The following IGF1R variants were observed in gnomAD, a reference collection of about 807,000 sequenced individuals.
IGF1R encodes the protein insulin-like growth factor 1 receptor.
Under a neutral mutation model 144.6 loss-of-function variants are expected in IGF1R, and 44 were observed. The ratio of observed to expected loss-of-function variants is 0.30; its 90% CI spans 0.24 to 0.39. IGF1R has a LOEUF of 0.39. Among genes scored for constraint, IGF1R ranks in the 10% least tolerant of loss-of-function variants. IGF1R has a pLI of 1.00. For missense variants in IGF1R, 1,355 were observed against 1,833.7 expected (o/e 0.74, Z 4.77); for synonymous variants, 795 against 722.8 (o/e 1.10, Z -1.60).
chr15:98,921,710 G>A (rs973906892), intron 10 of IGF1R, among the ~76,000 whole-genome samples: 14 of 152,144 alleles, frequency 9.2e-5, no homozygotes, highest in Non-Finnish European at 1.8e-4. Flanking sequence ...CTCTGCCCCA[G>A]GTCTCTGGGG....
rs1596198425 is a variant in IGF1R at position 98,696,387 on chromosome 15, C to T, written c.95-11175C>T. Among the ~76,000 whole-genome samples, 6 of 152,208 alleles carry T rather than the reference C, an allele frequency of 3.9e-5. No homozygotes were observed. The South Asian group carries it at 8.3e-4, about 21-fold the overall frequency. On this transcript the variant is annotated intron_variant, in intron 1 of 20. Transcript: ENST00000650285. Reference sequence around the variant, plus strand: ...GACCTTCCTTGGTCTGTTCATTAATCAGCACTTTGTAGGGTAAATTGAACA... The same window carrying T: ...GACCTTCCTTGGTCTGTTCATTAATTAGCACTTTGTAGGGTAAATTGAACA...
intron 2 of IGF1R, among the ~76,000 whole-genome samples, chr15:98,715,959 A>C (rs1404013111): frequency 1.3e-5 from 2 of 152,240 alleles, no homozygotes; most frequent in African/African-American, 4.8e-5. Flanking sequence ...GATGATCTGC[A>C]GAACTTCTGG....
At chr15:98,677,773 C>T (rs987538368) in intron 1 of IGF1R, among the ~76,000 whole-genome samples, 2 of 152,202 alleles carry the variant, frequency 1.3e-5, no homozygotes, top group African/African-American at 4.8e-5. Flanking sequence ...AAGCGCTGCT[C>T]AGCCAGTAGG....
intron 2 of IGF1R, among the ~76,000 whole-genome samples, chr15:98,767,474 T>A (rs1055181273): frequency 9.2e-5 from 14 of 152,286 alleles, no homozygotes; most frequent in African/African-American, 3.4e-4. Context: ...TCGTCATATT[T>A]TGGAAAACTG....
chr15:98,773,404 G>C (rs923215299), intron 2 of IGF1R, among the ~76,000 whole-genome samples: 5 of 152,188 alleles, frequency 3.3e-5, no homozygotes, highest in African/African-American at 1.2e-4. Context: ...TCAGTTCCTT[G>C]AGGGGAAGTT....
chr15:98,765,077 G>T (rs1253327279), intron 2 of IGF1R, among the ~76,000 whole-genome samples: 1 of 152,072 alleles, frequency 6.6e-6, no homozygotes, highest in Non-Finnish European at 1.5e-5. Flanking sequence ...GTGACCTTTT[G>T]TGTCTGGCTT....
In IGF1R at chr15:98,913,020, T is replaced by C. The variant is rs9282722; in HGVS notation, c.1590-24T>C. The stretch of plus-strand genomic sequence containing the variant: ...GTTTTGATGTCAGAGCCCCGAACTT[T>C]CTCTGAACTTAATTGTCTTTCAGAC... On this transcript the variant is annotated intron_variant, in intron 7 of 20. Transcript: ENST00000650285. 3.0e-3 allele frequency: 4,653 copies of C among 1,572,812 alleles called. 122 individuals carry two copies. The African/African-American group carries it at 0.053, about 18-fold the overall frequency.
At chr15:98,785,264 T>C (rs1453557034) in intron 2 of IGF1R, among the ~76,000 whole-genome samples, 2 of 152,260 alleles carry the variant, frequency 1.3e-5, no homozygotes, top group Non-Finnish European at 2.9e-5. Context: ...ATACACTGTA[T>C]ATCTAGTTTG....
chr15:98,707,196 C>T lies in IGF1R; in HGVS notation c.95-366C>T, dbSNP rs1347252652. 2.0e-5 allele frequency among the ~76,000 whole-genome samples: 3 copies of T among 152,278 alleles called. No homozygotes were observed. Among genetic ancestry groups the T allele is most frequent in the East Asian group, 1.9e-4 (1 of 5,178 alleles). ...CCTTGGCAACTGACGCTCTGCAGAA[C>T]GGACCAGGAGTGTGCGGTGGTGGAG... On this transcript the variant is annotated intron_variant, in intron 1 of 20. Coordinates refer to ENST00000650285, the MANE Select transcript of IGF1R (RefSeq NM_000875.5). This position sits in a 1 kb window ranked among gnomAD's most constrained non-coding sequence, Gnocchi z 6.7.
intron 12 of IGF1R, among the ~76,000 whole-genome samples, chr15:98,924,243 A>G (rs2015613891): frequency 6.6e-6 from 1 of 152,280 alleles, no homozygotes; most frequent in Non-Finnish European, 1.5e-5. Context: ...TTCATTGTGT[A>G]AGATAACCTT....
intron 2 of IGF1R, among the ~76,000 whole-genome samples, chr15:98,875,995 C>T (rs1347874605): frequency 6.6e-6 from 1 of 152,126 alleles, no homozygotes; most frequent in East Asian, 1.9e-4. Flanking sequence ...TCCAGCTTTC[C>T]TAAAACTGTA....
Position 98,857,939 on chromosome 15 carries a change from A to G in IGF1R, c.641-33386A>G, listed in dbSNP as rs554891229. Among the ~76,000 whole-genome samples the G allele has an allele frequency of 6.6e-5, 10 of 152,332 alleles. No individual in the cohort carries two copies. In the South Asian group the frequency reaches 2.1e-3, roughly 32 times the overall value. Reference sequence around the variant, plus strand: ...TAAAAAATGCAACACAACCAGTTAAACCAGCTGTCTAATTGTACACATTTC... The same window carrying G: ...TAAAAAATGCAACACAACCAGTTAAGCCAGCTGTCTAATTGTACACATTTC... On this transcript the variant is annotated intron_variant, in intron 2 of 20. Coordinates refer to ENST00000650285, the MANE Select transcript of IGF1R (RefSeq NM_000875.5).
In IGF1R at chr15:98,896,890, A is replaced by G; in HGVS notation, c.1087A>G (p.Asn363Asp). ...CTIFKGNLLI[N>D]IRRGNNIASE... ...CATCTTCAAGGGCAATTTGCTCATT[A>G]ACATCCGACGGGGGAGTAAGTATTC... Residue 363 changes from asparagine to aspartate, a missense_variant, in exon 4 of 21, where the codon AAC becomes GAC. By Grantham distance (23) the Asn-to-Asp change is conservative (BLOSUM62 1). Around this residue, in one of 7 missense-constraint regions of IGF1R, gnomAD observed 880 missense variants for 1,202.7 expected, o/e 0.73. Coordinates refer to ENST00000650285, the MANE Select transcript of IGF1R (RefSeq NM_000875.5). 1 of 1,614,162 alleles carries G rather than the reference A, an allele frequency of 6.2e-7. No individual in the cohort carries two copies. The highest frequency in any genetic ancestry group is 8.5e-7 in the Non-Finnish European group (1 of 1,180,002).
At chr15:98,941,005 C>A (rs2016345053) in intron 18 of IGF1R, among the ~76,000 whole-genome samples, 3 of 152,254 alleles carry the variant, frequency 2.0e-5, no homozygotes, top group Admixed American at 2.0e-4. Flanking sequence ...GCTCATTTCT[C>A]CTTCCCTCTC....
intron 15 of IGF1R, among the ~76,000 whole-genome samples, chr15:98,931,838 C>T (rs1013693096): frequency 2.0e-5 from 3 of 152,072 alleles, no homozygotes; most frequent in Admixed American, 6.5e-5. Context: ...GCCTATAGAG[C>T]GAGACTGGCT....
chr15:98,962,310 G>A lies in IGF1R; in HGVS notation c.*4868G>A. The A allele has an allele frequency of 4.3e-6, 1 of 233,332 alleles. No individual in the cohort carries two copies. Among genetic ancestry groups the A allele is most frequent in the East Asian group, 6.0e-5 (1 of 16,614 alleles). 14.5% of individuals were successfully genotyped at this position (233,332 alleles called of 1,614,324 possible). ...AGTCCCAGTTATGCATTTCAAGTTT[G>A]GGGTTTGTTCTTTTCGTTAATGTTC... On this transcript the variant is annotated 3_prime_UTR_variant, in exon 21 of 21. Coordinates refer to ENST00000650285, the MANE Select transcript of IGF1R (RefSeq NM_000875.5).
intron 19 of IGF1R, 60 bp from the exon 20 acceptor site, chr15:98,948,514 G>A (rs965795582): frequency 1.9e-6 from 3 of 1,554,532 alleles, no homozygotes; most frequent in Non-Finnish European, 2.7e-6. Context: ...TGGAAAGGAG[G>A]GGGCAGCATT....
rs779041152 is a variant in IGF1R, at chr15:98,924,051, C to T, written c.2622+39C>T. Reference sequence around the variant, plus strand: ...AGTGGCCCGTGCCTGCATGTACTTCCATCCATTGACAGCATATGCTACCTG... The same window carrying T: ...AGTGGCCCGTGCCTGCATGTACTTCTATCCATTGACAGCATATGCTACCTG... On this transcript the variant is annotated intron_variant, in intron 12 of 20. Coordinates refer to ENST00000650285, the MANE Select transcript of IGF1R (RefSeq NM_000875.5). The T allele has an allele frequency of 4.4e-6, 7 of 1,591,986 alleles. No homozygotes were observed. The Admixed American group carries it at 6.7e-5, about 15-fold the overall frequency.
In IGF1R at chr15:98,958,227, G is replaced by A. The variant is rs2017088792; in HGVS notation, c.*785G>A. The A allele has an allele frequency of 4.3e-6, 1 of 231,736 alleles. No homozygotes were observed. Among genetic ancestry groups the A allele is most frequent in the Non-Finnish European group, 8.5e-6 (1 of 117,214 alleles). The allele number at this position is 231,736 out of a possible 1,614,324, so 14.4% of individuals were successfully genotyped here. A position where few individuals can be genotyped will look rare whatever the true frequency, so the allele number is the denominator to read the frequency against. On this transcript the variant is annotated 3_prime_UTR_variant, in exon 21 of 21. Coordinates refer to ENST00000650285, the MANE Select transcript of IGF1R (RefSeq NM_000875.5). ...GCTTCTGACTAGATTATTATTTGGG[G>A]GAACTGGACACAATAGGTCTTTCTC...
Sources: allele counts gnomAD v4.1 joint callset (sites outside exome capture counted in the v4.1 genomes callset), GRCh38; gene constraint gnomAD v4.1.1; regional missense constraint gnomAD v4.1.1; non-coding constraint Gnocchi (gnomAD v3.1); transcripts MANE v1.5; gene names NCBI Gene and HGNC (gene_info 2026-07-23, HGNC 2026-07-21).